The following CPEB1 variants were observed in gnomAD, a reference collection of about 807,000 sequenced individuals.
The protein encoded by CPEB1 is cytoplasmic polyadenylation element binding protein 1, also known as cytoplasmic polyadenylation element-binding protein 1.
Under a neutral mutation model 65.8 loss-of-function variants are expected in CPEB1, and 7 were observed. The ratio of observed to expected loss-of-function variants is 0.11; its 90% CI spans 0.06 to 0.20. The LOEUF (loss-of-function observed/expected upper bound fraction) is 0.20, where lower values mean the gene tolerates loss of function less well. Among genes scored for constraint, CPEB1 ranks in the 10% least tolerant of loss-of-function variants. The pLI is 1.00. For missense variants in CPEB1, 551 were observed against 712.2 expected (o/e 0.77, Z 2.58); for synonymous variants, 262 against 260.0 (o/e 1.01, Z -0.08).
intron 11 of CPEB1, among the ~76,000 whole-genome samples, chr15:82,546,838 G>A (rs768078681): frequency 3.9e-5 from 6 of 152,090 alleles, no homozygotes; most frequent in African/African-American, 9.7e-5. Flanking sequence ...GCAAGTGTTC[G>A]GAGGATTCCC....
At chr15:82,646,978 G>T (rs978838216) in intron 1 of CPEB1, 159 bp downstream of exon 1, 3 of 152,540 alleles carry the variant, frequency 2.0e-5, no homozygotes, top group African/African-American at 4.8e-5. Flanking sequence ...GGCCTCGTCC[G>T]GCACTGAGGA....
intron 4 of CPEB1, among the ~76,000 whole-genome samples, chr15:82,560,092 T>C (rs1400457799): frequency 6.6e-6 from 1 of 151,984 alleles, no homozygotes; most frequent in Non-Finnish European, 1.5e-5. Flanking sequence ...AAAAAAAAGT[T>C]CCTTGACAAA....
intron 3 of CPEB1, among the ~76,000 whole-genome samples, chr15:82,578,561 C>G (rs1342909786): frequency 6.6e-6 from 1 of 151,960 alleles, no homozygotes; most frequent in Non-Finnish European, 1.5e-5. Flanking sequence ...TTCAGGAGCT[C>G]GAGACCAGAC....
chr15:82,546,411 G>A, intron 12 of CPEB1, 30 bp downstream of exon 12: 1 of 1,579,318 alleles, frequency 6.3e-7, no homozygotes, highest in East Asian at 2.2e-5. Context: ...TTTTAATAGA[G>A]GGCAGGGACT....
At chr15:82,643,190 G>C (rs1169527124) in intron 1 of CPEB1, among the ~76,000 whole-genome samples, 1 of 152,200 alleles carries the variant, frequency 6.6e-6, no homozygotes, top group Admixed American at 6.5e-5. Flanking sequence ...GAAGCAGCTA[G>C]AGGCAGGTAA....
intron 4 of CPEB1, among the ~76,000 whole-genome samples, chr15:82,561,667 C>G (rs534094584): frequency 6.6e-6 from 1 of 152,298 alleles, no homozygotes; most frequent in East Asian, 1.9e-4. Flanking sequence ...TTTGTATTCA[C>G]TATTGTGTTG....
chr15:82,592,574 T>C, intron 3 of CPEB1, among the ~76,000 whole-genome samples: 1 of 140,896 alleles, frequency 7.1e-6, no homozygotes. Context: ...CCAGATATTG[T>C]CTCAAAAAAA....
intron 3 of CPEB1, among the ~76,000 whole-genome samples, chr15:82,607,407 G>GTTCA (rs1386689196): frequency 6.6e-6 from 1 of 152,140 alleles, no homozygotes; most frequent in Non-Finnish European, 1.5e-5. Flanking sequence ...GGCCAACATG[G>GTTCA]TGAAACCCCG....
At chr15:82,548,371 A>T (rs1317687707) in intron 10 of CPEB1, among the ~76,000 whole-genome samples, 1 of 152,174 alleles carries the variant, frequency 6.6e-6, no homozygotes, top group East Asian at 1.9e-4. Context: ...TGTTAATAAT[A>T]TTATTTCCAA....
chr15:82,637,889 C>A, intron 1 of CPEB1: 2 of 408,572 alleles, frequency 4.9e-6, no homozygotes, highest in Non-Finnish European at 9.8e-6. Flanking sequence ...TGAATATTCA[C>A]CCATTAGAAA....
chr15:82,647,943 G>A, upstream of CPEB1: 4 of 1,178,376 alleles, frequency 3.4e-6, no homozygotes, highest in Non-Finnish European at 4.3e-6. Context: ...CACGCACGTG[G>A]GCACTATTTT....
At chr15:82,625,987 G>A (rs909516492) in intron 3 of CPEB1, among the ~76,000 whole-genome samples, 1 of 151,608 alleles carries the variant, frequency 6.6e-6, no homozygotes, top group Non-Finnish European at 1.5e-5. Flanking sequence ...AGGTGTGGTG[G>A]CGGGTGCCTG....
chr15:82,564,494 C>T (rs543967201), intron 4 of CPEB1, among the ~76,000 whole-genome samples: 102 of 152,150 alleles, frequency 6.7e-4, no homozygotes, highest in African/African-American at 2.4e-3. Context: ...GGGGTTTCAC[C>T]GTGTTAGCCA....
rs752225468 is a variant in CPEB1, at chr15:82,549,628, T to A, written c.1312A>T (p.Ser438Cys). 6.2e-7 allele frequency: 1 copy of A among 1,614,184 alleles called. No individual in the cohort carries two copies. The highest frequency in any genetic ancestry group is 8.5e-7 in the Non-Finnish European group (1 of 1,180,040). ...VQVIPWVLAD[S>C]NFVRSPSQRL... ...TGAGATGGGCTCCGGACAAAGTTAC[T>A]GTCGGCTAATACCCAGGGGATCACC... The change falls in exon 10 of 13, where the codon AGT becomes TGT. Residue 438 changes from serine to cysteine, a missense_variant. Around this residue, in one of 6 missense-constraint regions of CPEB1, gnomAD observed 99 missense variants for 161.3 expected, o/e 0.61. Transcript: ENST00000684509.
At chr15:82,646,685 C>T (rs587611183) in intron 1 of CPEB1, among the ~76,000 whole-genome samples, 93 of 152,362 alleles carry the variant, frequency 6.1e-4, no homozygotes, top group African/African-American at 2.2e-3. Context: ...AACGCGGGGC[C>T]GCTCACAGAG....
At chr15:82,574,546 T>G (rs888948469) in intron 3 of CPEB1, among the ~76,000 whole-genome samples, 1 of 151,642 alleles carries the variant, frequency 6.6e-6, no homozygotes, top group African/African-American at 2.4e-5. Flanking sequence ...GGTGAAAACC[T>G]GTCTCTACTA....
chr15:82,613,744 T>C (rs574566965), intron 3 of CPEB1, among the ~76,000 whole-genome samples: 1 of 152,238 alleles, frequency 6.6e-6, no homozygotes, highest in Admixed American at 6.5e-5. Flanking sequence ...TTCAGCATAT[T>C]TAAAGGAGAA....
intron 3 of CPEB1, among the ~76,000 whole-genome samples, chr15:82,579,321 C>T (rs1049958808): frequency 1.3e-5 from 2 of 152,066 alleles, no homozygotes; most frequent in Non-Finnish European, 2.9e-5. Context: ...AATAGCTGGA[C>T]ATGGTGGTGT....
chr15:82,557,677 C>T, intron 5 of CPEB1, 83 bp downstream of exon 5: 1 of 1,153,196 alleles, frequency 8.7e-7, no homozygotes, highest in Non-Finnish European at 1.3e-6. Flanking sequence ...GACAGGCATC[C>T]CATAGATATT....
Sources: gnomAD v4.1 joint callset for allele counts (sites outside exome capture counted in the v4.1 genomes callset) on GRCh38, gnomAD v4.1.1 for gene constraint, gnomAD v4.1.1 regional missense constraint, MANE v1.5 for transcripts, NCBI Gene and HGNC (gene_info 2026-07-23, HGNC 2026-07-21) for gene names.